The following DAO variants were observed in gnomAD, a reference collection of about 807,000 sequenced individuals.
The protein encoded by DAO is D-amino-acid oxidase.
Under a neutral mutation model 50.1 loss-of-function variants are expected in DAO, and 51 were observed. The ratio of observed to expected loss-of-function variants is 1.02; its 90% CI spans 0.81 to 1.29. The LOEUF is 1.29. Among genes scored for constraint, DAO ranks in the 50% most tolerant of loss-of-function variants. The pLI is 0.00. For synonymous variants in DAO, 160 were observed against 166.2 expected (o/e 0.96, Z 0.29); for missense variants, 436 against 439.4 (o/e 0.99, Z 0.07).
At chr12:108,881,939 C>CT (rs2039386334) in intron 1 of DAO, among the ~76,000 whole-genome samples, 1 of 151,996 alleles carries the variant, frequency 6.6e-6, no homozygotes, top group Non-Finnish European at 1.5e-5. Context: ...TACCAACACT[C>CT]TAAAAATTCC....
intron 3 of DAO, 148 bp downstream of exon 3, chr12:108,887,712 A>G: frequency 1.4e-6 from 1 of 698,348 alleles, no homozygotes; most frequent in Admixed American, 2.4e-5. Context: ...GGTTTGGTTT[A>G]AATTCTATTT....
At chr12:108,896,796 T>C (rs2039565463) in intron 7 of DAO, among the ~76,000 whole-genome samples, 3 of 152,180 alleles carry the variant, frequency 2.0e-5, no homozygotes, top group African/African-American at 7.2e-5. Context: ...GGAGAAACAA[T>C]GCTTCAGGGA....
At chr12:108,898,505 T>C (rs1263062846) in intron 8 of DAO, 174 bp from the exon 9 acceptor site, 2 of 693,700 alleles carry the variant, frequency 2.9e-6, no homozygotes, top group Non-Finnish European at 5.3e-6. Context: ...GATGACAACA[T>C]TGATGGAAGT....
At position 108,900,600 on chromosome 12, in the gene DAO, G is replaced by A. The variant is rs1317629010; in HGVS notation, c.*65G>A. On this transcript the variant is annotated 3_prime_UTR_variant, in exon 11 of 11. Transcript: ENST00000228476. ...TTCTCCCCTCAGCCAATGAATCAATGTGCTCCTTCATAAGCCATTGCTTCT... is the reference window on the plus strand; with the variant it reads ...TTCTCCCCTCAGCCAATGAATCAATATGCTCCTTCATAAGCCATTGCTTCT... The A allele has an allele frequency of 1.3e-6, 2 of 1,596,148 alleles. No homozygotes were observed. The highest frequency in any genetic ancestry group is 1.7e-5 in the Admixed American group (1 of 59,856).
At chr12:108,889,951 C>T (rs1018451714) in intron 4 of DAO, among the ~76,000 whole-genome samples, 3 of 152,130 alleles carry the variant, frequency 2.0e-5, no homozygotes, top group Non-Finnish European at 4.4e-5. Context: ...CCCCACCCCA[C>T]ACCACACCTG....
intron 9 of DAO, 98 bp downstream of exon 9, chr12:108,898,894 G>A (rs987849218): frequency 3.3e-5 from 26 of 787,632 alleles, no homozygotes; most frequent in South Asian, 3.0e-4. Flanking sequence ...TGGGATAACT[G>A]GGCAAATTAA....
chr12:108,900,441 C>T lies in DAO; in HGVS notation c.950C>T (p.Thr317Ile), dbSNP rs2039609899. 4 of 1,614,150 alleles carry T rather than the reference C, an allele frequency of 2.5e-6. No homozygotes were observed. The highest frequency in any genetic ancestry group is 3.4e-6 in the Non-Finnish European group (4 of 1,179,996). Residue 317 changes from threonine to isoleucine, a missense_variant, in exon 11 of 11, where the codon ACC (threonine) becomes ATC (isoleucine). Coordinates refer to ENST00000228476, the MANE Select transcript of DAO (RefSeq NM_001917.5). ...HNYGHGGYGL[T>I]IHWGCALEAA... is the part of the protein sequence containing the mutation. The stretch of plus-strand genomic sequence containing the variant: ...TATGGCCATGGAGGCTACGGGCTCA[C>T]CATCCACTGGGGATGTGCCCTGGAG...
At chr12:108,897,741 A>G (rs977666682) in intron 8 of DAO, among the ~76,000 whole-genome samples, 4 of 152,092 alleles carry the variant, frequency 2.6e-5, no homozygotes, top group African/African-American at 7.2e-5. Context: ...TGAGCCCAGG[A>G]GTTCAAGACC....
intron 7 of DAO, among the ~76,000 whole-genome samples, chr12:108,896,076 A>T (rs2039551023): frequency 6.6e-6 from 1 of 151,636 alleles, no homozygotes; most frequent in African/African-American, 2.4e-5. Flanking sequence ...CGAGAGAATG[A>T]TTGCATACTT....
chr12:108,885,289 C>T (rs575727821), intron 2 of DAO, 89 bp downstream of exon 2: 11 of 1,284,254 alleles, frequency 8.6e-6, no homozygotes, highest in Non-Finnish European at 1.1e-5. Context: ...AGAGCAAGCC[C>T]CTTGTGGAAG....
intron 5 of DAO, among the ~76,000 whole-genome samples, chr12:108,892,303 C>G (rs562725381): frequency 6.6e-6 from 1 of 151,676 alleles, no homozygotes; most frequent in South Asian, 2.1e-4. Context: ...GCTTGGAATA[C>G]AGGCGCCTGC....
intron 5 of DAO, 120 bp downstream of exon 5, chr12:108,890,393 C>T: frequency 1.3e-6 from 1 of 768,674 alleles, no homozygotes; most frequent in Admixed American, 1.9e-5. Flanking sequence ...TACCCTTAGG[C>T]CTGGTGTGGG....
intron 7 of DAO, among the ~76,000 whole-genome samples, 176 bp from the exon 8 acceptor site, chr12:108,896,830 C>A (rs530377709): frequency 7.9e-5 from 12 of 152,326 alleles, no homozygotes; most frequent in African/African-American, 2.9e-4. Context: ...CCAATTAGGG[C>A]AGCTCTTCCT....
chr12:108,880,276 A>T, intron 1 of DAO, 52 bp downstream of exon 1: 1 of 379,666 alleles, frequency 2.6e-6, no homozygotes, highest in Non-Finnish European at 5.3e-6. Context: ...GAGAGGGGAG[A>T]GGCAAAGGAT....
intron 7 of DAO, among the ~76,000 whole-genome samples, chr12:108,894,983 TG>T (rs1217324518): frequency 6.6e-6 from 1 of 152,230 alleles, no homozygotes; most frequent in Non-Finnish European, 1.5e-5. Context: ...GTCAAAGTGC[TG>T]GGATTACAGG....
In DAO at chr12:108,880,562, G is replaced by T. The variant is rs150867733; in HGVS notation, c.-10+338G>T. On this transcript the variant is annotated intron_variant, in intron 1 of 10. Transcript: ENST00000228476. ...CAAATGGTAGTTATTATTATTTTTG[G>T]TGGGGGAGTTGGTAGGCTGGTTCTC... is the stretch of plus-strand genomic sequence containing the variant. 4.9e-3 allele frequency among the ~76,000 whole-genome samples: 738 copies of T among 152,078 alleles called. 3 individuals are homozygous for T. Among genetic ancestry groups the T allele is most frequent in the Non-Finnish European group, 6.9e-3 (467 of 67,998 alleles).
intron 7 of DAO, among the ~76,000 whole-genome samples, chr12:108,894,874 C>T (rs1356607502): frequency 6.6e-6 from 1 of 152,140 alleles, no homozygotes; most frequent in East Asian, 1.9e-4. Flanking sequence ...CACCACCATG[C>T]TCAGCCAATT....
chr12:108,880,900 A>G (rs2137333436), intron 1 of DAO, among the ~76,000 whole-genome samples: 1 of 152,030 alleles, frequency 6.6e-6, no homozygotes, highest in Non-Finnish European at 1.5e-5. Flanking sequence ...ATTTTTTTGG[A>G]GCAGTGCAGA....
At chr12:108,891,985 C>A (rs191476038) in intron 5 of DAO, among the ~76,000 whole-genome samples, 2 of 152,140 alleles carry the variant, frequency 1.3e-5, no homozygotes, top group East Asian at 3.9e-4. Flanking sequence ...GCTATTTCTC[C>A]TAACCTGGGG....
Sources: gnomAD v4.1 joint callset for allele counts (sites outside exome capture counted in the v4.1 genomes callset) on GRCh38, gnomAD v4.1.1 for gene constraint, MANE v1.5 for transcripts, NCBI Gene and HGNC (gene_info 2026-07-23, HGNC 2026-07-21) for gene names.